Variants in LTBP2 observed in about 807,000 individuals in gnomAD.
LTBP2 encodes the protein latent transforming growth factor beta binding protein 2.
LTBP2 carries 103 observed loss-of-function variants against 210.6 expected under a neutral mutation model. The ratio of observed to expected loss-of-function variants is 0.49; its 90% CI spans 0.42 to 0.58. LTBP2 has a LOEUF of 0.58. Ranked by LOEUF, LTBP2 falls within the 20% of genes least tolerant of loss-of-function variation. The pLI, the probability that LTBP2 is intolerant of heterozygous loss-of-function variation, is 0.00. For missense variants in LTBP2, 2,313 were observed against 2,494.5 expected, an observed-to-expected ratio of 0.93 and a Z score of 1.55; for synonymous variants, 1,007 against 1,015.0, an observed-to-expected ratio of 0.99 and a Z score of 0.15.
intron 2 of LTBP2, among the ~76,000 whole-genome samples, chr14:74,589,677 G>A (rs1249563922): frequency 6.6e-6 from 1 of 152,196 alleles, no homozygotes; most frequent in Non-Finnish European, 1.5e-5. Flanking sequence ...CCAGGCCCCT[G>A]TCACCACCAC....
rs762576130 is a variant in LTBP2 at position 74,549,833 on chromosome 14, C to A, written c.1789+30G>T. The A allele has an allele frequency of 4.8e-5, 76 of 1,580,238 alleles. 1 individual carries two copies. The South Asian group carries it at 7.5e-4, about 16-fold the overall frequency. On this transcript the variant is annotated intron_variant, in intron 8 of 35. Coordinates refer to ENST00000261978, the MANE Select transcript of LTBP2 (RefSeq NM_000428.3). ...GCAGGCCCAGGGAGAGCTTCCTCCA[C>A]AACACGTGACCTTGGACTCCAGCAC...
intron 2 of LTBP2, among the ~76,000 whole-genome samples, chr14:74,590,784 GCTAAGCTA>G (rs1336640687): frequency 4.2e-5 from 3 of 71,208 alleles, no homozygotes; most frequent in Non-Finnish European, 8.9e-5. Context: ...AGCTAAGCTA[GCTAAGCTA>G]TGGGTATGAA....
Position 74,525,241 on chromosome 14 carries a change from G to A in LTBP2, c.2429-16C>T, listed in dbSNP as rs1363120661. 3.9e-6 allele frequency: 5 copies of A among 1,296,756 alleles called. No individual in the cohort carries two copies. The highest frequency in any genetic ancestry group is 4.0e-6 in the Non-Finnish European group (4 of 1,004,608). The allele number at this position is 1,296,756 out of a possible 1,614,324, so 80.3% of individuals were successfully genotyped here. ...GTGGCATTCCCTGTGGAGGAGAGAG[G>A]GGAAGAGGTGGGGTTGTGGCCCCTT... is the stretch of plus-strand genomic sequence containing the variant. On this transcript the variant is annotated splice_polypyrimidine_tract_variant and intron_variant, in intron 14 of 35. Coordinates refer to ENST00000261978, the MANE Select transcript of LTBP2 (RefSeq NM_000428.3).
At chr14:74,519,489 T>A (rs1259251473) in intron 17 of LTBP2, among the ~76,000 whole-genome samples, 1 of 150,952 alleles carries the variant, frequency 6.6e-6, no homozygotes, top group Admixed American at 6.6e-5. Flanking sequence ...TAATTTATCT[T>A]ATTGATAATA....
chr14:74,532,900 T>C (rs1356913026), intron 9 of LTBP2, among the ~76,000 whole-genome samples: 1 of 152,186 alleles, frequency 6.6e-6, no homozygotes, highest in African/African-American at 2.4e-5. Flanking sequence ...AGTGCAGGGG[T>C]GTGATCTCAG....
chr14:74,540,068 C>G (rs960014936), intron 8 of LTBP2, among the ~76,000 whole-genome samples: 1 of 152,158 alleles, frequency 6.6e-6, no homozygotes, highest in Non-Finnish European at 1.5e-5. Flanking sequence ...TTACCAACAA[C>G]CTCCACCCCA....
intron 8 of LTBP2, among the ~76,000 whole-genome samples, chr14:74,541,855 G>A (rs1481173519): frequency 1.3e-5 from 2 of 152,132 alleles, no homozygotes; most frequent in South Asian, 2.1e-4. Context: ...CCAAAGTGCC[G>A]GGCAGAACTG....
chr14:74,583,727 T>A (rs1272174169), intron 3 of LTBP2, among the ~76,000 whole-genome samples: 1 of 152,236 alleles, frequency 6.6e-6, no homozygotes, highest in Non-Finnish European at 1.5e-5. Flanking sequence ...TATTTATCCA[T>A]TTAACTTACA....
intron 2 of LTBP2, among the ~76,000 whole-genome samples, chr14:74,598,596 G>C (rs146497297): frequency 1.1e-3 from 175 of 152,332 alleles, no homozygotes; most frequent in African/African-American, 3.9e-3. Flanking sequence ...GCACATGCCA[G>C]GCCTTGAGCT....
chr14:74,593,298 C>T (rs758473084), intron 2 of LTBP2, among the ~76,000 whole-genome samples: 2 of 152,150 alleles, frequency 1.3e-5, no homozygotes, highest in Non-Finnish European at 2.9e-5. Flanking sequence ...ACCATCTGCT[C>T]AGAGCCCCTG....
At position 74,502,669 on chromosome 14, in the gene LTBP2, G is replaced by A. The variant is rs759089886; in HGVS notation, c.5154C>T (p.Tyr1718=). 27 of 1,614,028 alleles carry A rather than the reference G, an allele frequency of 1.7e-5. No homozygotes were observed. In the East Asian group the frequency reaches 2.5e-4, roughly 15 times the overall value. ...AACACAGACCTGGATGGCTGGCCAC[G>A]TAGTGGGGCTGGAGTTCTGAGGGCT... ...PLQPSELQPH[Y]VASHPEPPAG... is the part of the protein sequence containing the mutation. Residue 1718 remains tyrosine, a synonymous_variant, in exon 34 of 36, where the codon TAC becomes TAT. Transcript: ENST00000261978.
chr14:74,598,926 G>T (rs921585884), intron 2 of LTBP2, among the ~76,000 whole-genome samples: 1 of 152,224 alleles, frequency 6.6e-6, no homozygotes, highest in South Asian at 2.1e-4. Context: ...TCTGGGCTCT[G>T]ATGAGTCTCA....
Position 74,529,140 on chromosome 14 carries a change from C to A in LTBP2, c.1988-18G>T, listed in dbSNP as rs779132195. 2.7e-5 allele frequency: 42 copies of A among 1,550,994 alleles called. No homozygotes were observed. The highest frequency in any genetic ancestry group is 3.6e-5 in the Non-Finnish European group (41 of 1,147,042). On this transcript the variant is annotated intron_variant, in intron 10 of 35. Transcript: ENST00000261978. ...CTTGTCCGCTGCAACAGACACAGCA[C>A]GTGGAGGTGGGCAGGTGGCCAGTGG...
At chr14:74,559,525 G>A (rs551084456) in intron 3 of LTBP2, among the ~76,000 whole-genome samples, 289 of 152,286 alleles carry the variant, frequency 1.9e-3, no homozygotes, top group African/African-American at 6.5e-3. Flanking sequence ...AGCAGCGAGA[G>A]AGGCTCTCGC....
chr14:74,603,560 G>T, intron 2 of LTBP2, 75 bp downstream of exon 2: 1 of 1,491,250 alleles, frequency 6.7e-7, no homozygotes, highest in South Asian at 1.1e-5. Flanking sequence ...AGCTTGACCT[G>T]CCCTGGGAGT....
At position 74,527,384 on chromosome 14, in the gene LTBP2, C is replaced by A. The variant is rs769087502; in HGVS notation, c.2369-18G>T. ...AGAGTCACCTGGAAGGGAAAGGTAA[C>A]AGCGTGAGCTCAGGGAGGAGGGTCT... On this transcript the variant is annotated intron_variant, in intron 12 of 35. Transcript: ENST00000261978. The A allele has an allele frequency of 6.2e-7, 1 of 1,608,868 alleles. No individual in the cohort carries two copies. Among genetic ancestry groups the A allele is most frequent in the Non-Finnish European group, 8.5e-7 (1 of 1,177,962 alleles).
chr14:74,528,453 T>A lies in LTBP2; in HGVS notation c.2368+30A>T, dbSNP rs182838582. ...GCTGGAAACTTAGGGGAAAGGAAAA[T>A]CCCTCAGGCATCTCCCCCAGCTCAG... On this transcript the variant is annotated intron_variant, in intron 12 of 35. Coordinates refer to ENST00000261978, the MANE Select transcript of LTBP2 (RefSeq NM_000428.3). 2,616 of 1,610,134 alleles carry A rather than the reference T, an allele frequency of 1.6e-3. 4 individuals are homozygous for A. The highest frequency in any genetic ancestry group is 1.9e-3 in the Non-Finnish European group (2,234 of 1,178,814).
At chr14:74,522,415 C>T (rs2087217557) in intron 16 of LTBP2, among the ~76,000 whole-genome samples, 1 of 152,132 alleles carries the variant, frequency 6.6e-6, no homozygotes, top group African/African-American at 2.4e-5. Context: ...AGACCTCCCC[C>T]TACGGATGAC....
rs2087908759 is a variant in LTBP2 at position 74,566,791 on chromosome 14, T to G, written c.831-11098A>C. 9.2e-5 allele frequency among the ~76,000 whole-genome samples: 14 copies of G among 152,280 alleles called. No individual in the cohort carries two copies. In the South Asian group the frequency reaches 2.9e-3, roughly 32 times the overall value. On this transcript the variant is annotated intron_variant, in intron 3 of 35. Transcript: ENST00000261978. ...TCTCAAGATCACTCCTGCTGCTGTG[T>G]CTGCTTGGCGCACCCACCCAACCTC...
Sources: allele counts gnomAD v4.1 joint callset (sites outside exome capture counted in the v4.1 genomes callset), GRCh38; gene constraint gnomAD v4.1.1; transcripts MANE v1.5; gene names NCBI Gene and HGNC (gene_info 2026-07-23, HGNC 2026-07-21).